Variants in RICTOR observed in about 807,000 individuals in gnomAD.
RICTOR encodes the protein RPTOR independent companion of MTOR complex 2.
Under a neutral mutation model 214.9 loss-of-function variants are expected in RICTOR, and 49 were observed. The observed-to-expected ratio is 0.23, with a 90% CI of 0.18 to 0.29. The LOEUF (loss-of-function observed/expected upper bound fraction) is 0.29, where lower values mean the gene tolerates loss of function less well. Ranked by LOEUF, RICTOR falls within the 10% of genes least tolerant of loss-of-function variation. The pLI is 1.00. For synonymous variants in RICTOR, 717 were observed against 711.3 expected, an observed-to-expected ratio of 1.01 and a Z score of -0.13; for missense variants, 1,625 against 2,047.0, an observed-to-expected ratio of 0.79 and a Z score of 3.98.
Position 38,950,482 on chromosome 5 carries a change from AGAT to A in RICTOR, c.3363_3365del (p.Ser1122del), listed in dbSNP as rs1748659093. 1 of 1,613,494 alleles carries A rather than the reference AGAT, an allele frequency of 6.2e-7. No homozygotes were observed. The highest frequency in any genetic ancestry group is 1.3e-5 in the African/African-American group (1 of 74,988). On this transcript the variant is annotated inframe_deletion, in exon 31 of 38. Coordinates refer to ENST00000357387, the MANE Select transcript of RICTOR (RefSeq NM_152756.5). ...TTCGCCTGTTGCTTGTCTTACTTTC[AGAT>A]GATAATTTCCCTCCTTTTGGATCAC...
intron 2 of RICTOR, 31 bp downstream of exon 2, chr5:39,074,080 C>G (rs1462059059): frequency 1.3e-6 from 2 of 1,549,998 alleles, no homozygotes; most frequent in South Asian, 1.2e-5. Flanking sequence ...CAGCAGCGCG[C>G]CCTCGCGGCG....
intron 25 of RICTOR, 122 bp downstream of exon 25, chr5:38,957,530 G>A (rs1749367393): frequency 6.2e-6 from 4 of 644,808 alleles, no homozygotes; most frequent in Admixed American, 3.1e-5. Context: ...TGATATTGAT[G>A]TTTAAATATT....
chr5:39,069,643 T>C lies in RICTOR; in HGVS notation c.97+4468A>G, dbSNP rs542313763. ...GGGACTACAAAATCAGTCTGAAATCTGAAGAAAGCAAATTAGATAATTCTT... is the reference window on the plus strand; with the variant it reads ...GGGACTACAAAATCAGTCTGAAATCCGAAGAAAGCAAATTAGATAATTCTT... On this transcript the variant is annotated intron_variant, in intron 2 of 37. Coordinates refer to ENST00000357387, the MANE Select transcript of RICTOR (RefSeq NM_152756.5). Among the ~76,000 whole-genome samples the C allele has an allele frequency of 1.0e-3, 155 of 152,338 alleles. 1 individual carries two copies. The Middle Eastern group carries it at 0.01, about 10-fold the overall frequency.
chr5:39,017,739 C>A (rs1755073815), intron 3 of RICTOR, among the ~76,000 whole-genome samples: 1 of 152,022 alleles, frequency 6.6e-6, no homozygotes, highest in Non-Finnish European at 1.5e-5. Context: ...TGACTATATT[C>A]TCATCCCCTT....
chr5:39,058,254 G>A (rs13160161), intron 2 of RICTOR, among the ~76,000 whole-genome samples: 56,653 of 151,686 alleles, frequency 0.37, 10,820 homozygotes, highest in East Asian at 0.48. Flanking sequence ...GAGGTAGCAA[G>A]TACAACAAAA....
Position 38,952,358 on chromosome 5 carries a change from T to C in RICTOR, c.2965A>G (p.Asn989Asp). The change falls in exon 30 of 38, where the codon AAC (asparagine) becomes GAC (aspartate). Residue 989 changes from asparagine to aspartate, a missense_variant. Transcript: ENST00000357387. ...KQGCDILKCH[N>D]WDAVRHSRKH... ...CGACTATGCCTCACAGCATCCCAGT[T>C]GTGACATTTTAGAATATCACAGCCT... The C allele has an allele frequency of 6.2e-7, 1 of 1,613,080 alleles. No individual in the cohort carries two copies. Among genetic ancestry groups the C allele is most frequent in the Non-Finnish European group, 8.5e-7 (1 of 1,179,344 alleles).
At position 38,958,461 on chromosome 5, in the gene RICTOR, C is replaced by T. The variant is rs758251062; in HGVS notation, c.2402G>A (p.Gly801Asp). 32 of 1,609,216 alleles carry T rather than the reference C, an allele frequency of 2.0e-5. No individual in the cohort carries two copies. Among genetic ancestry groups the T allele is most frequent in the Non-Finnish European group, 2.6e-5 (31 of 1,175,982 alleles). Residue 801 changes from glycine to aspartate, a missense_variant, in exon 24 of 38, where the codon GGT becomes GAT. This residue lies in a region of RICTOR where 1,214 missense variants were observed against 1,470.5 expected (regional missense o/e 0.83). Coordinates refer to ENST00000357387, the MANE Select transcript of RICTOR (RefSeq NM_152756.5). ...AATTTACCTCAGCAGGAGAAGCAAACCCTTGTCTCCAAGGTGGGATAACGC... is the reference window on the plus strand; with the variant it reads ...AATTTACCTCAGCAGGAGAAGCAAATCCTTGTCTCCAAGGTGGGATAACGC... The part of the protein sequence containing the change: ...KPALSHLGDK[G>D]LLLLLRFLSI...
intron 7 of RICTOR, among the ~76,000 whole-genome samples, chr5:38,989,000 T>C (rs920449413): frequency 8.5e-5 from 13 of 152,064 alleles, no homozygotes; most frequent in African/African-American, 1.7e-4. Context: ...CTTCACAGAA[T>C]TGGAAAAAAT....
chr5:38,945,173 T>A (rs537492857), intron 34 of RICTOR, 105 bp from the exon 35 acceptor site: 1 of 832,440 alleles, frequency 1.2e-6, no homozygotes, highest in East Asian at 2.7e-5. Flanking sequence ...TCTTCTCTAA[T>A]TGTATGCAAT....
intron 3 of RICTOR, among the ~76,000 whole-genome samples, chr5:39,008,334 A>G (rs1754231542): frequency 6.6e-6 from 1 of 152,126 alleles, no homozygotes; most frequent in Non-Finnish European, 1.5e-5. Flanking sequence ...ATGAATACAC[A>G]CAGAAGTAAC....
At chr5:38,962,273 T>G in intron 19 of RICTOR, 42 bp downstream of exon 19, 1 of 961,434 alleles carries the variant, frequency 1.0e-6, no homozygotes, top group Non-Finnish European at 1.6e-6. Flanking sequence ...AATATCCATA[T>G]TTAAGTTCTT....
At chr5:38,945,839 C>A in intron 33 of RICTOR, 115 bp from the exon 34 acceptor site, 2 of 532,296 alleles carry the variant, frequency 3.8e-6, no homozygotes, top group East Asian at 3.2e-5. Context: ...CAAAATCTAA[C>A]TGGAAAGAAA....
intron 3 of RICTOR, among the ~76,000 whole-genome samples, chr5:39,017,068 A>C (rs1755015410): frequency 6.6e-6 from 1 of 152,114 alleles, no homozygotes; most frequent in Non-Finnish European, 1.5e-5. Flanking sequence ...ACGCAACACT[A>C]TTCTAGATTT....
At chr5:38,997,177 A>C (rs1192641152) in intron 5 of RICTOR, among the ~76,000 whole-genome samples, 1 of 152,210 alleles carries the variant, frequency 6.6e-6, no homozygotes, top group Non-Finnish European at 1.5e-5. Context: ...AAAGTGTAAA[A>C]AGTCTACTAA....
intron 24 of RICTOR, 106 bp downstream of exon 24, chr5:38,958,337 G>A: frequency 5.6e-5 from 39 of 697,698 alleles, no homozygotes; most frequent in South Asian, 1.3e-4. Context: ...AATATTAAAA[G>A]GTAAACTCTT....
intron 19 of RICTOR, among the ~76,000 whole-genome samples, chr5:38,961,860 G>C (rs527326781): frequency 6.6e-6 from 1 of 152,026 alleles, no homozygotes; most frequent in Non-Finnish European, 1.5e-5. Flanking sequence ...GAACAGCATC[G>C]TAGCTTAAAG....
At chr5:38,966,464 C>T (rs747493969) in intron 15 of RICTOR, among the ~76,000 whole-genome samples, 177 bp downstream of exon 15, 9 of 152,222 alleles carry the variant, frequency 5.9e-5, no homozygotes, top group Non-Finnish European at 1.3e-4. Context: ...CATGCGCGCA[C>T]GTACATATCT....
At chr5:39,010,067 G>A (rs1754382521) in intron 3 of RICTOR, among the ~76,000 whole-genome samples, 1 of 152,164 alleles carries the variant, frequency 6.6e-6, no homozygotes, top group Non-Finnish European at 1.5e-5. Context: ...GCAGGACCAG[G>A]TGGAGATAAC....
At chr5:39,038,209 A>C (rs912108395) in intron 2 of RICTOR, among the ~76,000 whole-genome samples, 2 of 152,228 alleles carry the variant, frequency 1.3e-5, no homozygotes, top group African/African-American at 4.8e-5. Context: ...ACAGAACCAA[A>C]GACAAAAACC....
Sources: gnomAD v4.1 joint callset for allele counts (sites outside exome capture counted in the v4.1 genomes callset) on GRCh38, gnomAD v4.1.1 for gene constraint, gnomAD v4.1.1 regional missense constraint, MANE v1.5 for transcripts, NCBI Gene and HGNC (gene_info 2026-07-23, HGNC 2026-07-21) for gene names.